PLEKHH1: variants seen among roughly 807,000 people sequenced by gnomAD.
PLEKHH1 encodes the protein pleckstrin homology domain-containing family H member 1.
PLEKHH1 carries 104 observed loss-of-function variants against 160.0 expected under a neutral mutation model. The ratio of observed to expected loss-of-function variants is 0.65; its 90% confidence interval spans 0.55 to 0.76. The LOEUF (loss-of-function observed/expected upper bound fraction) is 0.76. PLEKHH1 is among the 30% of genes least tolerant of loss of function. The pLI is 0.00. For synonymous variants in PLEKHH1, 619 were observed against 678.4 expected (o/e 0.91, Z 1.36); for missense variants, 1,427 against 1,724.1 (o/e 0.83, Z 3.05).
At chr14:67,549,307 G>T (rs1327071152) in intron 2 of PLEKHH1, among the ~76,000 whole-genome samples, 1 of 149,630 alleles carries the variant, frequency 6.7e-6, no homozygotes, top group African/African-American at 2.5e-5. Context: ...GTCTCACTTT[G>T]TCACCTAGGC....
chr14:67,574,861 G>T lies in PLEKHH1; in HGVS notation c.2088+458G>T, dbSNP rs2035551132. Among the ~76,000 whole-genome samples, 1 of 152,200 alleles carries T rather than the reference G, an allele frequency of 6.6e-6. No homozygotes were observed. The highest frequency in any genetic ancestry group is 2.4e-5 in the African/African-American group (1 of 41,442). On this transcript the variant is annotated intron_variant, in intron 14 of 28. Coordinates refer to ENST00000329153, the MANE Select transcript of PLEKHH1 (RefSeq NM_020715.3). This position sits in a 1 kb window ranked among gnomAD's most constrained non-coding sequence, Gnocchi z 4.2. ...AGTTGTTAAACCCAAGAAAATGGAA[G>T]TTAACAAGGAAGTACATTAGCTAGA...
rs2034899888 is a variant in PLEKHH1, at chr14:67,562,730, C to T, written c.1099C>T (p.Arg367Ter). ...CTCTGGCCTTCCTGAGCTGGAGTCC[C>T]GAGCTAGGTCCCGGGAGGAACCAGA... The part of the protein sequence containing the change: ...HPSGLPELES[R>*]ARSREEPEKM... The change falls in exon 7 of 29, where the codon CGA becomes TGA. Residue 367 changes from arginine to a stop codon, truncating the protein, a stop_gained. Coordinates refer to ENST00000329153, the MANE Select transcript of PLEKHH1 (RefSeq NM_020715.3). LOFTEE classifies it high-confidence loss of function. 7.4e-6 allele frequency: 12 copies of T among 1,613,544 alleles called. No homozygotes were observed. The highest frequency in any genetic ancestry group is 1.6e-4 in the Middle Eastern group (1 of 6,062).
In PLEKHH1 at chr14:67,562,331, A is replaced by G. The variant is rs200350780; in HGVS notation, c.700A>G (p.Ser234Gly). 2.1e-4 allele frequency: 332 copies of G among 1,613,810 alleles called. No homozygotes were observed. Among genetic ancestry groups the G allele is most frequent in the Non-Finnish European group, 2.6e-4 (302 of 1,179,852 alleles). ...QSKDSVSEAA[S>G]PLEDSSSSTV... The stretch of plus-strand genomic sequence containing the variant: ...CAAGGACTCTGTTTCTGAAGCAGCA[A>G]GCCCCTTGGAGGATTCTAGTTCCAG... Residue 234 changes from serine to glycine, a missense_variant, in exon 7 of 29, where the codon AGC (serine) becomes GGC (glycine). Ser to Gly is a moderately conservative substitution (Grantham distance 56, BLOSUM62 0). Transcript: ENST00000329153.
chr14:67,587,067 C>G lies in PLEKHH1; in HGVS notation c.3934-7C>G, dbSNP rs1452240726. ...TCAATTCCTTCACATCTCTGACCTC[C>G]TCTTAGATTGCAGAAGCTACCTTCA... On this transcript the variant is annotated splice_region_variant and splice_polypyrimidine_tract_variant and intron_variant, in intron 28 of 28. Coordinates refer to ENST00000329153, the MANE Select transcript of PLEKHH1 (RefSeq NM_020715.3). The G allele has an allele frequency of 6.3e-7, 1 of 1,588,344 alleles. No homozygotes were observed. The highest frequency in any genetic ancestry group is 1.8e-5 in the Admixed American group (1 of 54,880).
chr14:67,540,818 C>A (rs1436120332), intron 1 of PLEKHH1, among the ~76,000 whole-genome samples: 1 of 152,118 alleles, frequency 6.6e-6, no homozygotes, highest in Admixed American at 6.6e-5. Flanking sequence ...GGCATTCTCT[C>A]CTGCTTGCTC....
In PLEKHH1 at chr14:67,559,626, GAAGCAAAAACTGTTCAAGAAA is replaced by G; in HGVS notation, c.363_383del (p.Lys122_Ala128del). On this transcript the variant is annotated inframe_deletion, in exon 5 of 29. Coordinates refer to ENST00000329153, the MANE Select transcript of PLEKHH1 (RefSeq NM_020715.3). ...CTTGCAGAAGCAGATGAGGGCAGAGGAAGCAAAAACTGTTCAAGAAAAAGCTGCAAAGATCAAGGAATGGGT... is the reference window on the plus strand; with the variant it reads ...CTTGCAGAAGCAGATGAGGGCAGAGGAAGCTGCAAAGATCAAGGAATGGGT... 6.2e-7 allele frequency: 1 copy of G among 1,600,312 alleles called. No individual in the cohort carries two copies. Among genetic ancestry groups the G allele is most frequent in the South Asian group, 1.1e-5 (1 of 88,030 alleles).
chr14:67,573,451 G>A lies in PLEKHH1; in HGVS notation c.1839+65G>A. 9.4e-7 allele frequency: 1 copy of A among 1,062,734 alleles called. No individual in the cohort carries two copies. Among genetic ancestry groups the A allele is most frequent in the South Asian group, 1.3e-5 (1 of 76,230 alleles). The allele number at this position is 1,062,734 out of a possible 1,614,324, so 65.8% of individuals were successfully genotyped here. On this transcript the variant is annotated intron_variant, in intron 12 of 28. Coordinates refer to ENST00000329153, the MANE Select transcript of PLEKHH1 (RefSeq NM_020715.3). This position sits in a 1 kb window ranked among gnomAD's most constrained non-coding sequence, Gnocchi z 4.8. The stretch of plus-strand genomic sequence containing the variant: ...CCACATCACACCCTGGACTATGTCA[G>A]ATGGGACGGAGGAGGGGGAATGTGG...
rs1310495399 is a variant in PLEKHH1, at chr14:67,573,698, T to C, written c.1840-103T>C. ...AACACAGCCAGAATGCTGGGAATCA[T>C]GTTTCCCTTTGCTTATGACGTGGAG... On this transcript the variant is annotated intron_variant, in intron 12 of 28. Transcript: ENST00000329153. This position sits in a 1 kb window ranked among gnomAD's most constrained non-coding sequence, Gnocchi z 4.8. 6.2e-6 allele frequency: 5 copies of C among 804,774 alleles called. No homozygotes were observed. Among genetic ancestry groups the C allele is most frequent in the East Asian group, 4.9e-5 (2 of 40,600 alleles). 49.9% of individuals were successfully genotyped at this position (804,774 alleles called of 1,614,324 possible).
Position 67,578,696 on chromosome 14 carries a change from A to G in PLEKHH1, c.2849+65A>G. 9.6e-7 allele frequency: 1 copy of G among 1,041,684 alleles called. No individual in the cohort carries two copies. The highest frequency in any genetic ancestry group is 1.5e-6 in the Non-Finnish European group (1 of 681,254). The allele number at this position is 1,041,684 out of a possible 1,614,324, so 64.5% of individuals were successfully genotyped here. A position where few individuals can be genotyped will look rare whatever the true frequency, so the allele number is the denominator to read the frequency against. On this transcript the variant is annotated intron_variant, in intron 20 of 28. Transcript: ENST00000329153. This position sits in a 1 kb window ranked among gnomAD's most constrained non-coding sequence, Gnocchi z 5.0. Reference sequence around the variant, plus strand: ...GCCAACTGCCGCATGAATAAGAGGGATGAGAGGAGTCTAGGGCAGACCAGA... The same window carrying G: ...GCCAACTGCCGCATGAATAAGAGGGGTGAGAGGAGTCTAGGGCAGACCAGA...
rs1032633468 is a variant in PLEKHH1, at chr14:67,575,363, C to T, written c.2089-29C>T. On this transcript the variant is annotated intron_variant, in intron 14 of 28. Transcript: ENST00000329153. Reference sequence around the variant, plus strand: ...TTTACTTCTAGAGTTACCTAGTTCTCATAATGCCAGTTCATTTCTGTCTTA... The same window carrying T: ...TTTACTTCTAGAGTTACCTAGTTCTTATAATGCCAGTTCATTTCTGTCTTA... The T allele has an allele frequency of 3.5e-6, 5 of 1,410,250 alleles. No individual in the cohort carries two copies. The East Asian group carries it at 9.3e-5, about 26-fold the overall frequency. 87.4% of individuals were successfully genotyped at this position (1,410,250 alleles called of 1,614,324 possible).
In PLEKHH1 at chr14:67,541,937, C is replaced by T; in HGVS notation, c.70C>T (p.Gln24Ter). 6.2e-7 allele frequency: 1 copy of T among 1,607,262 alleles called. No individual in the cohort carries two copies. Among genetic ancestry groups the T allele is most frequent in the Non-Finnish European group, 8.5e-7 (1 of 1,177,092 alleles). The stretch of plus-strand genomic sequence containing the variant: ...GAAACGCTGCCTGACCCTGGAAACT[C>T]AGCTTTTCCGGTTCCGCCTACAGGC... ...WQKRCLTLET[Q>*]LFRFRLQASK... is the part of the protein sequence containing the mutation. The change falls in exon 2 of 29, where the codon CAG (glutamine) becomes TAG (stop). Residue 24 changes from glutamine to a stop codon, truncating the protein, a stop_gained. Transcript: ENST00000329153. LOFTEE classifies it high-confidence loss of function.
intron 28 of PLEKHH1, chr14:67,586,824 G>C: frequency 6.8e-7 from 1 of 1,469,240 alleles, no homozygotes; most frequent in Non-Finnish European, 9.0e-7. Context: ...AACCAGAGCA[G>C]AACACTGGGC....
rs1264535746 is a variant in PLEKHH1, at chr14:67,573,122, C to T, written c.1729-154C>T. 1.3e-5 allele frequency among the ~76,000 whole-genome samples: 2 copies of T among 152,204 alleles called. No individual in the cohort carries two copies. The highest frequency in any genetic ancestry group is 2.4e-5 in the African/African-American group (1 of 41,450). On this transcript the variant is annotated intron_variant, in intron 11 of 28. Coordinates refer to ENST00000329153, the MANE Select transcript of PLEKHH1 (RefSeq NM_020715.3). This position sits in a 1 kb window ranked among gnomAD's most constrained non-coding sequence, Gnocchi z 4.8. ...TAGTCCTCTCTGAACCATAGCAGGGCATGGTACTCTGAAAATACACTGAGT... is the reference window on the plus strand; with the variant it reads ...TAGTCCTCTCTGAACCATAGCAGGGTATGGTACTCTGAAAATACACTGAGT...
rs1026290585 is a variant in PLEKHH1, at chr14:67,574,064, T to C, written c.1926+177T>C. 5.9e-5 allele frequency among the ~76,000 whole-genome samples: 9 copies of C among 151,594 alleles called. No homozygotes were observed. The highest frequency in any genetic ancestry group is 2.2e-4 in the African/African-American group (9 of 41,210). The stretch of plus-strand genomic sequence containing the variant: ...GGAAGATGAGACAGAATATGAGAGA[T>C]GGAGTGAAGGAAGGAGAGACAGGGA... On this transcript the variant is annotated intron_variant, in intron 13 of 28. Transcript: ENST00000329153. The surrounding 1 kb of genome is among the most constrained non-coding windows in gnomAD (Gnocchi z 4.2).
rs1258235830 is a variant in PLEKHH1 at position 67,542,013 on chromosome 14, G to C, written c.126+20G>C. 1 of 1,581,066 alleles carries C rather than the reference G, an allele frequency of 6.3e-7. No homozygotes were observed. The highest frequency in any genetic ancestry group is 1.4e-5 in the African/African-American group (1 of 73,608). On this transcript the variant is annotated intron_variant, in intron 2 of 28. Coordinates refer to ENST00000329153, the MANE Select transcript of PLEKHH1 (RefSeq NM_020715.3). ...GACAAGGTGAGTCCCTCAGAGCAGGGAGCTGCCTCTCCACACGCAGAGGTT... is the reference window on the plus strand; with the variant it reads ...GACAAGGTGAGTCCCTCAGAGCAGGCAGCTGCCTCTCCACACGCAGAGGTT...
chr14:67,539,303 C>T (rs574693494), intron 1 of PLEKHH1, among the ~76,000 whole-genome samples: 7 of 152,280 alleles, frequency 4.6e-5, no homozygotes, highest in East Asian at 1.9e-4. Context: ...TCTTCCTGCC[C>T]GTTCCAGTTG....
At chr14:67,554,090 A>C (rs1319624201) in intron 2 of PLEKHH1, among the ~76,000 whole-genome samples, 5 of 152,162 alleles carry the variant, frequency 3.3e-5, no homozygotes, top group Admixed American at 2.0e-4. Context: ...TGTGCCCCGA[A>C]AGCATCTGTG....
intron 2 of PLEKHH1, among the ~76,000 whole-genome samples, chr14:67,554,059 C>G (rs996116462): frequency 2.0e-5 from 3 of 152,178 alleles, no homozygotes; most frequent in African/African-American, 7.2e-5. Flanking sequence ...GAGCATAACT[C>G]TAACTCTCTG....
In PLEKHH1 at chr14:67,578,481, C is replaced by A; in HGVS notation, c.2752-53C>A. 8.3e-7 allele frequency: 1 copy of A among 1,204,002 alleles called. No individual in the cohort carries two copies. Among genetic ancestry groups the A allele is most frequent in the Non-Finnish European group, 1.2e-6 (1 of 823,302 alleles). 74.6% of individuals were successfully genotyped at this position (1,204,002 alleles called of 1,614,324 possible). A position where few individuals can be genotyped will look rare whatever the true frequency, so the allele number is the denominator to read the frequency against. On this transcript the variant is annotated intron_variant, in intron 19 of 28. Transcript: ENST00000329153. The surrounding 1 kb of genome is among the most constrained non-coding windows in gnomAD (Gnocchi z 5.0). ...GCTCTGTAGCTCAGGGCTATGAGGACAGGTGGTGCTGTAGGCCCAGCACTC... is the reference window on the plus strand; with the variant it reads ...GCTCTGTAGCTCAGGGCTATGAGGAAAGGTGGTGCTGTAGGCCCAGCACTC...
Sources: gnomAD v4.1 joint callset for allele counts (sites outside exome capture counted in the v4.1 genomes callset) on GRCh38, gnomAD v4.1.1 for gene constraint, Gnocchi (gnomAD v3.1) non-coding constraint, MANE v1.5 for transcripts, NCBI Gene and HGNC (gene_info 2026-07-23, HGNC 2026-07-21) for gene names.